The following NOMO2 variants were observed in gnomAD, a reference collection of about 807,000 sequenced individuals.
NOMO2 encodes the protein NODAL modulator 2.
A neutral mutation model predicts 67.1 loss-of-function variants in NOMO2; 14 were observed. That is an observed-to-expected ratio of 0.21 (90% CI 0.14 to 0.33). The LOEUF (loss-of-function observed/expected upper bound fraction) is 0.33. NOMO2 is among the 10% of genes least tolerant of loss of function. NOMO2 has a pLI of 1.00. For missense variants in NOMO2, 178 were observed against 761.0 expected (o/e 0.23, Z 9.01); for synonymous variants, 80 against 305.9 (o/e 0.26, Z 7.71).
intron 15 of NOMO2, among the ~76,000 whole-genome samples, chr16:18,528,824 T>C (rs1901212646): frequency 1.3e-5 from 2 of 149,948 alleles, no homozygotes; most frequent in Non-Finnish European, 3.0e-5. Flanking sequence ...AAAAAAAAGC[T>C]GAGCATGGCG....
intron 16 of NOMO2, among the ~76,000 whole-genome samples, chr16:18,526,991 C>A (rs1901160339): frequency 6.7e-6 from 1 of 150,046 alleles, no homozygotes; most frequent in African/African-American, 2.4e-5. Flanking sequence ...CTGAGGCGGG[C>A]GGATCACTTT....
intron 1 of NOMO2, among the ~76,000 whole-genome samples, chr16:18,561,192 A>AAAAC (rs1567249218): frequency 3.5e-5 from 5 of 143,410 alleles, no homozygotes; most frequent in African/African-American, 7.7e-5. Context: ...AAAAAAAAAA[A>AAAAC]AAAAAAAAAA....
chr16:18,550,712 T>C (rs1442665418), intron 4 of NOMO2, among the ~76,000 whole-genome samples: 3 of 152,028 alleles, frequency 2.0e-5, no homozygotes, highest in Non-Finnish European at 4.4e-5. Context: ...ACTTAAATAA[T>C]AGGAATCCTC....
chr16:18,528,929 C>T (rs1322921145), intron 15 of NOMO2, among the ~76,000 whole-genome samples: 1 of 133,394 alleles, frequency 7.5e-6, no homozygotes, highest in Non-Finnish European at 1.6e-5. Context: ...GATTGCGCCA[C>T]TGCACTCCAG....
intron 16 of NOMO2, among the ~76,000 whole-genome samples, chr16:18,526,191 G>C (rs1901142330): frequency 6.6e-6 from 1 of 151,952 alleles, no homozygotes; most frequent in Non-Finnish European, 1.5e-5. Flanking sequence ...TTATTCATTA[G>C]GAAAATGCAA....
chr16:18,552,977 T>G (rs1901822977), intron 3 of NOMO2, among the ~76,000 whole-genome samples: 1 of 151,878 alleles, frequency 6.6e-6, no homozygotes, highest in Non-Finnish European at 1.5e-5. Context: ...AATATGAATA[T>G]AAAATATAAA....
intron 9 of NOMO2, among the ~76,000 whole-genome samples, chr16:18,539,909 C>A (rs1901510662): frequency 6.6e-6 from 1 of 152,182 alleles, no homozygotes; most frequent in South Asian, 2.1e-4. Context: ...AGTTCCAGCC[C>A]TGATCTGTGT....
chr16:18,535,817 G>C (rs1901407018), intron 11 of NOMO2, among the ~76,000 whole-genome samples: 1 of 151,498 alleles, frequency 6.6e-6, no homozygotes, highest in African/African-American at 2.4e-5. Context: ...TTTTTTCTGA[G>C]ACGGAATCTC....
rs544462930 is a variant in NOMO2 at position 18,561,586 on chromosome 16, G to A, written c.165+290C>T. On this transcript the variant is annotated intron_variant, in intron 1 of 30. Transcript: ENST00000622306. Reference sequence around the variant, plus strand: ...TGGAGTCTGGGCTCCAGGGAATTTAGGGTCTGGGTTTTGAGGATCTGGGGT... The same window carrying A: ...TGGAGTCTGGGCTCCAGGGAATTTAAGGTCTGGGTTTTGAGGATCTGGGGT... Among the ~76,000 whole-genome samples, 652 of 151,180 alleles carry A rather than the reference G, an allele frequency of 4.3e-3. 11 individuals are homozygous for A. The highest frequency in any genetic ancestry group is 0.015 in the African/African-American group (624 of 40,902).
intron 12 of NOMO2, 98 bp from the exon 13 acceptor site, chr16:18,531,705 G>A: frequency 6.4e-7 from 1 of 1,570,336 alleles, no homozygotes; most frequent in South Asian, 1.2e-5. Context: ...TAAGGCTAAA[G>A]AGATTTTGAA....
Position 18,531,608 on chromosome 16 carries a change from C to T in NOMO2, c.1396-1G>A. On this transcript the variant is annotated splice_acceptor_variant, in intron 12 of 30. Transcript: ENST00000622306. LOFTEE classifies it high-confidence loss of function. ...TGGTTTCTGCCTCAGGAACCATCAC[C>T]TGCGGAAACGTGGATGGAACGTTAG... 6.2e-7 allele frequency: 1 copy of T among 1,612,970 alleles called. No individual in the cohort carries two copies. The highest frequency in any genetic ancestry group is 8.5e-7 in the Non-Finnish European group (1 of 1,179,664).
chr16:18,538,651 G>C lies in NOMO2; in HGVS notation c.1095C>G (p.Phe365Leu). ...TCCCTGTGGTTATGTTCTCAAGGCGGAATGAGCCATCAGCTTTTGTTTTAA... is the reference window on the plus strand; with the variant it reads ...TCCCTGTGGTTATGTTCTCAAGGCGCAATGAGCCATCAGCTTTTGTTTTAA... ...IKVKTKADGSFRLENITTGTY... is the reference protein window; with the variant it reads ...IKVKTKADGSLRLENITTGTY... The change falls in exon 11 of 31, where the codon TTC becomes TTG. Residue 365 changes from phenylalanine (F) to leucine (L), a missense_variant. Coordinates refer to ENST00000622306, the MANE Select transcript of NOMO2 (RefSeq NM_173614.4). 2 of 1,613,124 alleles carry C rather than the reference G, an allele frequency of 1.2e-6. No homozygotes were observed. Among genetic ancestry groups the C allele is most frequent in the Non-Finnish European group, 1.7e-6 (2 of 1,179,622 alleles).
At chr16:18,550,379 T>TAAATAA (rs1439661196) in intron 4 of NOMO2, among the ~76,000 whole-genome samples, 2 of 147,776 alleles carry the variant, frequency 1.4e-5, no homozygotes, top group Non-Finnish European at 3.0e-5. Flanking sequence ...AAAAAATAAA[T>TAAATAA]AAATAAAAAT....
At chr16:18,558,050 G>C (rs2067249735) in intron 1 of NOMO2, among the ~76,000 whole-genome samples, 1 of 150,948 alleles carries the variant, frequency 6.6e-6, no homozygotes, top group African/African-American at 2.4e-5. Flanking sequence ...GTTTATTTTA[G>C]TGGCTGTCTC....
At chr16:18,550,506 G>C (rs372488158) in intron 4 of NOMO2, among the ~76,000 whole-genome samples, 1 of 151,614 alleles carries the variant, frequency 6.6e-6, no homozygotes, top group Non-Finnish European at 1.5e-5. Context: ...GGGCCTCCCC[G>C]TCACCGCAAA....
At chr16:18,526,989 G>A (rs1901160283) in intron 16 of NOMO2, among the ~76,000 whole-genome samples, 1 of 150,534 alleles carries the variant, frequency 6.6e-6, no homozygotes, top group Non-Finnish European at 1.5e-5. Context: ...GGCTGAGGCG[G>A]GCGGATCACT....
At chr16:18,553,547 G>A (rs1901837583) in intron 3 of NOMO2, among the ~76,000 whole-genome samples, 1 of 151,298 alleles carries the variant, frequency 6.6e-6, no homozygotes, top group African/African-American at 2.4e-5. Context: ...CACCCAGGAT[G>A]GGGACTTCTG....
intron 16 of NOMO2, among the ~76,000 whole-genome samples, chr16:18,525,134 T>C (rs1901116817): frequency 1.3e-5 from 2 of 149,236 alleles, no homozygotes; most frequent in Admixed American, 6.7e-5. Context: ...AACCAATATT[T>C]TGGCCACACT....
intron 9 of NOMO2, 86 bp downstream of exon 9, chr16:18,542,086 A>AT (rs1393686119): frequency 3.9e-4 from 34 of 88,250 alleles, no homozygotes; most frequent in East Asian, 7.1e-4. Flanking sequence ...AAAATAATTG[A>AT]TTTTTTTTTA....
Sources: allele counts gnomAD v4.1 joint callset (sites outside exome capture counted in the v4.1 genomes callset), GRCh38; gene constraint gnomAD v4.1.1; transcripts MANE v1.5; gene names NCBI Gene and HGNC (gene_info 2026-07-23, HGNC 2026-07-21).